Variants in PLEKHG4B observed in about 807,000 individuals in gnomAD.
The protein encoded by PLEKHG4B is pleckstrin homology domain-containing family G member 4B.
Under a neutral mutation model 121.3 loss-of-function variants are expected in PLEKHG4B, and 111 were observed. The ratio of observed to expected loss-of-function variants is 0.92; its 90% CI spans 0.78 to 1.07. The LOEUF is 1.07. Ranked by LOEUF, PLEKHG4B falls within the 50% of genes least tolerant of loss-of-function variation. PLEKHG4B has a pLI of 0.00. For missense variants in PLEKHG4B, 1,831 were observed against 1,757.8 expected (o/e 1.04, Z -0.74); for synonymous variants, 738 against 725.0 (o/e 1.02, Z -0.29).
At chr5:181,861 A>T in intron 19 of PLEKHG4B, 143 bp from the exon 20 acceptor site, 1 of 1,267,904 alleles carries the variant, frequency 7.9e-7, no homozygotes, top group Non-Finnish European at 1.1e-6. Flanking sequence ...GCACTGGGCC[A>T]GTGGCCGACA....
rs1458972201 is a variant in PLEKHG4B at position 173,069 on chromosome 5, T to C, written c.4221+2T>C. The C allele has an allele frequency of 3.7e-6, 6 of 1,613,726 alleles. No individual in the cohort carries two copies. Among genetic ancestry groups the C allele is most frequent in the East Asian group, 2.2e-5 (1 of 44,858 alleles). On this transcript the variant is annotated splice_donor_variant, in intron 17 of 19. Coordinates refer to ENST00000637938, the MANE Select transcript of PLEKHG4B (RefSeq NM_052909.5). LOFTEE classifies it high-confidence loss of function. ...TACCTGTACAAGCAGTCCTTCAAGG[T>C]AGCACCCGCCCGGTCCGATTGGGTG...
Position 110,176 on chromosome 5 carries a change from C to T in PLEKHG4B, c.46-3075C>T, listed in dbSNP as rs373456444. ...TCCAGTCTGCAACACGTGCACACAC[C>T]GGCCACTCTGCAACGCACATGCACA... On this transcript the variant is annotated intron_variant, in intron 1 of 19. Coordinates refer to ENST00000637938, the MANE Select transcript of PLEKHG4B (RefSeq NM_052909.5). 7.9e-3 allele frequency among the ~76,000 whole-genome samples: 1,145 copies of T among 144,192 alleles called. 22 individuals are homozygous for T. Among genetic ancestry groups the T allele is most frequent in the African/African-American group, 0.028 (1,070 of 38,782 alleles). The allele number at this position is 144,192 out of a possible 152,430, so 94.6% of individuals were successfully genotyped here. A position where few individuals can be genotyped will look rare whatever the true frequency, so the allele number is the denominator to read the frequency against.
intron 6 of PLEKHG4B, among the ~76,000 whole-genome samples, chr5:147,369 G>A (rs554731869): frequency 4.6e-5 from 7 of 152,198 alleles, no homozygotes; most frequent in Non-Finnish European, 8.8e-5. Context: ...CCCTGGTTGG[G>A]CACCTGGGCA....
At chr5:132,115 G>A (rs11747521) in intron 2 of PLEKHG4B, among the ~76,000 whole-genome samples, 28,663 of 151,830 alleles carry the variant, frequency 0.19, 3,772 homozygotes, top group African/African-American at 0.37. Flanking sequence ...AGACAAGGAT[G>A]CGCACTTTCA....
chr5:102,639 G>C (rs927784934), intron 1 of PLEKHG4B, among the ~76,000 whole-genome samples: 8 of 152,176 alleles, frequency 5.3e-5, no homozygotes, highest in African/African-American at 1.7e-4. Context: ...AGCCTCCCCA[G>C]AGGCAGAGGC....
Position 127,340 on chromosome 5 carries a change from T to TTTATTATTATTATTATTA in PLEKHG4B, c.244-12120_244-12103dup, listed in dbSNP as rs60825083. ...TCATTGTTTCTGCTTATTGTTGGTT[T>TTTATTATTATTATTATTA]TTATTATTATTATTATTATTATTAT... On this transcript the variant is annotated intron_variant, in intron 2 of 19. Coordinates refer to ENST00000637938, the MANE Select transcript of PLEKHG4B (RefSeq NM_052909.5). Among the ~76,000 whole-genome samples, 374 of 135,552 alleles carry TTTATTATTATTATTATTA rather than the reference T, an allele frequency of 2.8e-3. 1 individual carries two copies. Among genetic ancestry groups the TTTATTATTATTATTATTA allele is most frequent in the South Asian group, 4.9e-3 (20 of 4,076 alleles). 88.9% of individuals were successfully genotyped at this position (135,552 alleles called of 152,430 possible). A position where few individuals can be genotyped will look rare whatever the true frequency, so the allele number is the denominator to read the frequency against.
chr5:138,088 G>A (rs1396841730), intron 2 of PLEKHG4B, among the ~76,000 whole-genome samples: 2 of 152,198 alleles, frequency 1.3e-5, no homozygotes, highest in Admixed American at 6.5e-5. Flanking sequence ...CCACCCTGAC[G>A]TCAGACGATT....
At chr5:100,412 A>C (rs1473911539) in intron 1 of PLEKHG4B, among the ~76,000 whole-genome samples, 1 of 148,420 alleles carries the variant, frequency 6.7e-6, no homozygotes, top group Non-Finnish European at 1.5e-5. Flanking sequence ...TAGGGGAGAG[A>C]CTGTTGTGAG....
At position 170,927 on chromosome 5, in the gene PLEKHG4B, A is replaced by G. The variant is rs886448560; in HGVS notation, c.3730-116A>G. On this transcript the variant is annotated intron_variant, in intron 14 of 19. Coordinates refer to ENST00000637938, the MANE Select transcript of PLEKHG4B (RefSeq NM_052909.5). ...TCCCTTTCACCTGATCATGGTACAAACTGCACCTGGGGGGTCTTGGGACGG... is the reference window on the plus strand; with the variant it reads ...TCCCTTTCACCTGATCATGGTACAAGCTGCACCTGGGGGGTCTTGGGACGG... 4 of 751,134 alleles carry G rather than the reference A, an allele frequency of 5.3e-6. No individual in the cohort carries two copies. In the East Asian group the frequency reaches 7.6e-5, roughly 14 times the overall value. 46.5% of individuals were successfully genotyped at this position (751,134 alleles called of 1,614,324 possible).
chr5:138,676 C>G (rs1249932999), intron 2 of PLEKHG4B, among the ~76,000 whole-genome samples: 1 of 152,154 alleles, frequency 6.6e-6, no homozygotes, highest in Admixed American at 6.5e-5. Flanking sequence ...ATGTTTGTTA[C>G]CAGTGCAAAA....
chr5:114,871 GTTCC>G (rs1734261006), intron 2 of PLEKHG4B, among the ~76,000 whole-genome samples: 1 of 152,182 alleles, frequency 6.6e-6, no homozygotes, highest in African/African-American at 2.4e-5. Context: ...CACATCTGCA[GTTCC>G]TTCCTCCATG....
rs776147152 is a variant in PLEKHG4B, at chr5:163,546, C to T, written c.3474C>T (p.Gly1158=). The T allele has an allele frequency of 6.3e-7, 1 of 1,586,300 alleles. No individual in the cohort carries two copies. Among genetic ancestry groups the T allele is most frequent in the Admixed American group, 1.8e-5 (1 of 56,184 alleles). The stretch of plus-strand genomic sequence containing the variant: ...AGGAGGATGGGAGGCAGCAGGTGGG[C>T]AGGTGAGGTGGACGTCCCCCTCCTC... ...PAEEDGRQQV[G]SSRLRHIMAE... The change falls in exon 13 of 20, where the codon GGC becomes GGT. Residue 1158 remains glycine (G), a splice_region_variant and synonymous_variant. Transcript: ENST00000637938.
chr5:176,849 A>G (rs1042021333), intron 18 of PLEKHG4B, among the ~76,000 whole-genome samples: 6 of 152,200 alleles, frequency 3.9e-5, no homozygotes, highest in African/African-American at 1.4e-4. Context: ...AGCACAGGGT[A>G]CGCACACAGG....
In PLEKHG4B at chr5:186,274, G is replaced by C. The variant is rs1414702485; in HGVS notation, c.*3951G>C. 6.6e-6 allele frequency: 1 copy of C among 152,254 alleles called. No homozygotes were observed. The highest frequency in any genetic ancestry group is 1.5e-5 in the Non-Finnish European group (1 of 68,058). The allele number at this position is 152,254 out of a possible 1,614,324, so 9.4% of individuals were successfully genotyped here. On this transcript the variant is annotated 3_prime_UTR_variant, in exon 20 of 20. Coordinates refer to ENST00000637938, the MANE Select transcript of PLEKHG4B (RefSeq NM_052909.5). ...TCTGTCCACACTGGGATTTGGCTCTGATTTCCAGAAGGCAGGGTTAGGAAA... is the reference window on the plus strand; with the variant it reads ...TCTGTCCACACTGGGATTTGGCTCTCATTTCCAGAAGGCAGGGTTAGGAAA...
At chr5:160,190 T>C (rs1735946992) in intron 11 of PLEKHG4B, among the ~76,000 whole-genome samples, 1 of 152,264 alleles carries the variant, frequency 6.6e-6, no homozygotes, top group Non-Finnish European at 1.5e-5. Context: ...CGGCACCCTG[T>C]GTGTGGGCAT....
Position 179,184 on chromosome 5 carries a change from C to T in PLEKHG4B, c.4403-2330C>T, listed in dbSNP as rs192197959. On this transcript the variant is annotated intron_variant, in intron 18 of 19. Transcript: ENST00000637938. Reference sequence around the variant, plus strand: ...GTGTTCTTATATTTGAGATACGTCTCTTGTAAAAGGCATATGTTTGATTTC... The same window carrying T: ...GTGTTCTTATATTTGAGATACGTCTTTTGTAAAAGGCATATGTTTGATTTC... Among the ~76,000 whole-genome samples, 4 of 152,216 alleles carry T rather than the reference C, an allele frequency of 2.6e-5. No homozygotes were observed. In the East Asian group the frequency reaches 7.7e-4, roughly 29 times the overall value.
At position 137,965 on chromosome 5, in the gene PLEKHG4B, C is replaced by T. The variant is rs976456212; in HGVS notation, c.244-1518C>T. 6.6e-5 allele frequency among the ~76,000 whole-genome samples: 10 copies of T among 152,344 alleles called. No individual in the cohort carries two copies. Among genetic ancestry groups the T allele is most frequent in the African/African-American group, 1.7e-4 (7 of 41,582 alleles). ...GCGTCTGGGGAGGGTGTCAAGGAGCCGCTTCTTGAACGGCTTGCTCACCGG... is the reference window on the plus strand; with the variant it reads ...GCGTCTGGGGAGGGTGTCAAGGAGCTGCTTCTTGAACGGCTTGCTCACCGG... On this transcript the variant is annotated intron_variant, in intron 2 of 19. Transcript: ENST00000637938. The surrounding 1 kb of genome is among the most constrained non-coding windows in gnomAD (Gnocchi z 4.2).
intron 2 of PLEKHG4B, among the ~76,000 whole-genome samples, chr5:129,049 T>C (rs539937329): frequency 2.6e-5 from 4 of 152,324 alleles, no homozygotes; most frequent in South Asian, 2.1e-4. Flanking sequence ...CAACAGGCCC[T>C]GAGGAAATGA....
In PLEKHG4B at chr5:183,337, A is replaced by C. The variant is rs907438721; in HGVS notation, c.*1014A>C. ...CCTGACCTCGGAGTGCCAGGCGTGC[A>C]GAGGAGCAGCCAAGGGCAAACACTC... On this transcript the variant is annotated 3_prime_UTR_variant, in exon 20 of 20. Transcript: ENST00000637938. 6 of 152,220 alleles carry C rather than the reference A, an allele frequency of 3.9e-5. No individual in the cohort carries two copies. Among genetic ancestry groups the C allele is most frequent in the Non-Finnish European group, 5.9e-5 (4 of 68,044 alleles). The allele number at this position is 152,220 out of a possible 1,614,324, so 9.4% of individuals were successfully genotyped here.
Sources: gnomAD v4.1 joint callset for allele counts (sites outside exome capture counted in the v4.1 genomes callset) on GRCh38, gnomAD v4.1.1 for gene constraint, Gnocchi (gnomAD v3.1) non-coding constraint, MANE v1.5 for transcripts, NCBI Gene and HGNC (gene_info 2026-07-23, HGNC 2026-07-21) for gene names.